The following MGST2 variants were observed in gnomAD, a reference collection of about 807,000 sequenced individuals.
MGST2 encodes glutathione peroxidase MGST2.
Under a neutral mutation model 16.6 loss-of-function variants are expected in MGST2, and 9 were observed. The ratio of observed to expected loss-of-function variants is 0.54; its 90% CI spans 0.33 to 0.95. The LOEUF is 0.95. Among genes scored for constraint, MGST2 ranks in the 40% least tolerant of loss-of-function variants. The probability of loss-of-function intolerance (pLI) is 0.03; values close to 1 mark genes in which losing one functional copy is unlikely to be tolerated. For missense variants in MGST2, 159 were observed against 175.1 expected, an observed-to-expected ratio of 0.91 and a Z score of 0.52; for synonymous variants, 79 against 68.0, an observed-to-expected ratio of 1.16 and a Z score of -0.79.
At position 139,668,595 on chromosome 4, in the gene MGST2, CAG is replaced by C. The variant is rs200533863; in HGVS notation, c.58+2537_58+2538del. Among the ~76,000 whole-genome samples, 157 of 134,910 alleles carry C rather than the reference CAG, an allele frequency of 1.2e-3. 1 individual carries two copies. Among genetic ancestry groups the C allele is most frequent in the South Asian group, 6.3e-3 (27 of 4,270 alleles). 88.5% of individuals were successfully genotyped at this position (134,910 alleles called of 152,430 possible). On this transcript the variant is annotated intron_variant, in intron 1 of 4. Transcript: ENST00000265498. ...GGGAAGGTGGGGTTCAAGAAAGACA[CAG>C]AGAGAGAGAGAGAGAGAGGAGGGGG...
intron 1 of MGST2, among the ~76,000 whole-genome samples, chr4:139,673,071 A>C (rs1730783800): frequency 6.6e-6 from 1 of 152,170 alleles, no homozygotes. Context: ...GACCCAAACT[A>C]TACACTTGGT....
chr4:139,749,793 A>C, the MGST2 span, among the ~76,000 whole-genome samples: 4 of 152,204 alleles, frequency 2.6e-5, no homozygotes, highest in Admixed American at 6.5e-5. Flanking sequence ...AGTTTTGAGC[A>C]ATGCAGTAAT....
chr4:139,682,873 A>G (rs1731333275), intron 2 of MGST2, among the ~76,000 whole-genome samples: 1 of 142,148 alleles, frequency 7.0e-6, no homozygotes, highest in Non-Finnish European at 1.5e-5. Flanking sequence ...GGAAAAAAAG[A>G]AAAAAAAAAA....
At chr4:139,703,171 C>G (rs1243264811) in intron 3 of MGST2, among the ~76,000 whole-genome samples, 1 of 151,256 alleles carries the variant, frequency 6.6e-6, no homozygotes, top group East Asian at 1.9e-4. Flanking sequence ...AGTGATTCAC[C>G]CCCCCTCGGC....
chr4:139,684,162 G>T (rs1282313217), intron 2 of MGST2, among the ~76,000 whole-genome samples: 1 of 152,132 alleles, frequency 6.6e-6, no homozygotes, highest in Non-Finnish European at 1.5e-5. Context: ...CTAAACTCAG[G>T]TGATCTGACT....
chr4:139,716,379 G>A (rs1012669301), intron 5 of MGST2, among the ~76,000 whole-genome samples: 1 of 152,094 alleles, frequency 6.6e-6, no homozygotes, highest in African/African-American at 2.4e-5. Context: ...AATATATTCC[G>A]ATTTTTCTTT....
chr4:139,710,998 C>T (rs1727718210), intron 5 of MGST2, among the ~76,000 whole-genome samples: 2 of 150,876 alleles, frequency 1.3e-5, no homozygotes, highest in African/African-American at 4.9e-5. Context: ...AAATAGGGGG[C>T]TCCTTTATTT....
downstream of MGST2, among the ~76,000 whole-genome samples, chr4:139,743,488 A>T (rs1729226273): frequency 6.6e-6 from 1 of 152,218 alleles, no homozygotes; most frequent in South Asian, 2.1e-4. Flanking sequence ...AAGAATACAC[A>T]ATTTCTCAAT....
At chr4:139,738,799 C>A (rs572965671) in intron 5 of MGST2, among the ~76,000 whole-genome samples, 3 of 152,076 alleles carry the variant, frequency 2.0e-5, no homozygotes, top group African/African-American at 7.2e-5. Flanking sequence ...CAAAGGTAAC[C>A]ACTGTTAATA....
At chr4:139,700,698 C>T (rs1021590298) in intron 3 of MGST2, among the ~76,000 whole-genome samples, 3 of 152,170 alleles carry the variant, frequency 2.0e-5, no homozygotes, top group Admixed American at 6.5e-5. Flanking sequence ...GTAGTGCTGC[C>T]GTTTGTATGT....
At chr4:139,734,430 A>C (rs1416579838) in intron 5 of MGST2, among the ~76,000 whole-genome samples, 1 of 152,212 alleles carries the variant, frequency 6.6e-6, no homozygotes, top group African/African-American at 2.4e-5. Flanking sequence ...TTCTCCCAAG[A>C]ATCTTAATAC....
chr4:139,722,478 G>A (rs1000828683), intron 5 of MGST2, among the ~76,000 whole-genome samples: 1 of 151,604 alleles, frequency 6.6e-6, no homozygotes, highest in African/African-American at 2.4e-5. Context: ...TCTTTTTTTG[G>A]TCTAAAGCAG....
At chr4:139,752,313 A>G in the MGST2 span, among the ~76,000 whole-genome samples, 1 of 152,232 alleles carries the variant, frequency 6.6e-6, no homozygotes, top group Non-Finnish European at 1.5e-5. Context: ...CTTAGGATCA[A>G]TGAGATATGG....
At chr4:139,725,781 A>G in intron 5 of MGST2, 1 of 1,613,944 alleles carries the variant, frequency 6.2e-7, no homozygotes, top group South Asian at 1.1e-5. Context: ...TGCACTGGGT[A>G]TGGATTCCGC....
At chr4:139,673,054 A>G (rs1316131310) in intron 1 of MGST2, among the ~76,000 whole-genome samples, 1 of 152,194 alleles carries the variant, frequency 6.6e-6, no homozygotes, top group Non-Finnish European at 1.5e-5. Context: ...CTCTTAACAC[A>G]GGGAGAGACC....
chr4:139,678,519 C>T lies in MGST2; in HGVS notation c.59-24C>T, dbSNP rs8192061. On this transcript the variant is annotated intron_variant, in intron 1 of 4. Transcript: ENST00000265498. ...GACTAATGACGTGCCCCATCTTTAA[C>T]GCAACATTTCCCTTTACTTGCAGGT... 271 of 1,583,590 alleles carry T rather than the reference C, an allele frequency of 1.7e-4. 1 individual carries two copies. Among genetic ancestry groups the T allele is most frequent in the African/African-American group, 8.3e-4 (62 of 74,364 alleles).
At chr4:139,672,022 C>T (rs996617171) in intron 1 of MGST2, among the ~76,000 whole-genome samples, 1 of 152,140 alleles carries the variant, frequency 6.6e-6, no homozygotes, top group Non-Finnish European at 1.5e-5. Context: ...GCTTCTATCC[C>T]TTGGGGCTGG....
chr4:139,683,000 C>A (rs1342140475), intron 2 of MGST2, among the ~76,000 whole-genome samples: 1 of 152,220 alleles, frequency 6.6e-6, no homozygotes, highest in African/African-American at 2.4e-5. Flanking sequence ...AAGGTTCGAA[C>A]TTCCTGTGGC....
At chr4:139,706,856 G>A (rs574604888), downstream of MGST2, among the ~76,000 whole-genome samples, 2 of 152,234 alleles carry the variant, frequency 1.3e-5, no homozygotes, top group East Asian at 3.9e-4. Flanking sequence ...TGGCTACAGA[G>A]AGCAACCATT....
Sources: allele counts gnomAD v4.1 joint callset (sites outside exome capture counted in the v4.1 genomes callset), GRCh38; gene constraint gnomAD v4.1.1; transcripts MANE v1.5; gene names NCBI Gene and HGNC (gene_info 2026-07-23, HGNC 2026-07-21).